TMEM178B: variants seen among roughly 807,000 people sequenced by gnomAD.
TMEM178B encodes the protein transmembrane protein 178B.
Under a neutral mutation model 31.0 loss-of-function variants are expected in TMEM178B, and 5 were observed. The ratio of observed to expected loss-of-function variants is 0.16; its 90% CI spans 0.08 to 0.34. The LOEUF (loss-of-function observed/expected upper bound fraction) is 0.34, where lower values mean the gene tolerates loss of function less well. TMEM178B is among the 10% of genes least tolerant of loss of function. The probability of loss-of-function intolerance (pLI) is 1.00; values close to 1 mark genes in which losing one functional copy is unlikely to be tolerated. For synonymous variants in TMEM178B, 164 were observed against 164.0 expected, an observed-to-expected ratio of 1.00 and a Z score of 0.00; for missense variants, 275 against 400.3, an observed-to-expected ratio of 0.69 and a Z score of 2.67.
intron 1 of TMEM178B, among the ~76,000 whole-genome samples, chr7:141,137,375 T>G (rs1189001776): frequency 3.3e-5 from 5 of 152,204 alleles, no homozygotes; most frequent in Admixed American, 6.5e-5. Flanking sequence ...GAAATACTAT[T>G]CAGCCATCAA....
At chr7:141,417,534 C>T (rs989950897) in intron 2 of TMEM178B, among the ~76,000 whole-genome samples, 2 of 152,200 alleles carry the variant, frequency 1.3e-5, no homozygotes, top group African/African-American at 4.8e-5. Context: ...TGAGGGGTCC[C>T]ACCCACGGTG....
At chr7:141,496,277 T>C in the TMEM178B span, among the ~76,000 whole-genome samples, 1,249 of 152,300 alleles carry the variant, frequency 8.2e-3, 8 homozygotes, top group African/African-American at 0.015. Flanking sequence ...GGAGGCCAGC[T>C]CTTGAACTTT....
At chr7:141,300,850 T>G (rs1798711863) in intron 2 of TMEM178B, among the ~76,000 whole-genome samples, 1 of 152,188 alleles carries the variant, frequency 6.6e-6, no homozygotes, top group Non-Finnish European at 1.5e-5. Flanking sequence ...CTTTCTATGT[T>G]CATCTCTGTT....
chr7:141,205,446 G>T (rs1796947139), intron 1 of TMEM178B, among the ~76,000 whole-genome samples: 2 of 152,094 alleles, frequency 1.3e-5, no homozygotes, highest in African/African-American at 4.8e-5. Flanking sequence ...AGTAGTTTAG[G>T]GCCTTGCCTT....
At chr7:141,194,803 AC>A (rs1796755818) in intron 1 of TMEM178B, among the ~76,000 whole-genome samples, 1 of 152,274 alleles carries the variant, frequency 6.6e-6, no homozygotes, top group South Asian at 2.1e-4. Context: ...CCTGCAGCAA[AC>A]TTTTGCCTGG....
chr7:141,498,726 C>T, the TMEM178B span, among the ~76,000 whole-genome samples: 4 of 152,204 alleles, frequency 2.6e-5, no homozygotes, highest in Admixed American at 6.6e-5. Context: ...TGACAGCAGA[C>T]GCTTGCCACT....
chr7:141,420,475 T>A (rs1026041653), intron 2 of TMEM178B, among the ~76,000 whole-genome samples: 2 of 152,192 alleles, frequency 1.3e-5, no homozygotes, highest in African/African-American at 4.8e-5. Context: ...TTTATTTGAA[T>A]GAGCTTTAAC....
rs970604933 is a variant in TMEM178B, at chr7:141,238,348, A to G, written c.496+25644A>G. ...TATGACAAGTGGGATAGAAGCCCCCAGGGAAAAGAGAGGGAGGAAAGAGAC... is the reference window on the plus strand; with the variant it reads ...TATGACAAGTGGGATAGAAGCCCCCGGGGAAAAGAGAGGGAGGAAAGAGAC... On this transcript the variant is annotated intron_variant, in intron 2 of 3. Transcript: ENST00000565468. 5.4e-4 allele frequency among the ~76,000 whole-genome samples: 82 copies of G among 152,294 alleles called. 1 individual carries two copies. The highest frequency in any genetic ancestry group is 1.9e-3 in the African/African-American group (80 of 41,566).
chr7:141,083,338 C>T (rs957140117), intron 1 of TMEM178B, among the ~76,000 whole-genome samples: 3 of 151,908 alleles, frequency 2.0e-5, no homozygotes, highest in Non-Finnish European at 4.4e-5. Context: ...TGTTTAGATT[C>T]TATAAACTCC....
At chr7:141,345,182 C>A (rs1270245037) in intron 2 of TMEM178B, among the ~76,000 whole-genome samples, 2 of 152,112 alleles carry the variant, frequency 1.3e-5, no homozygotes, top group East Asian at 3.8e-4. Flanking sequence ...ATTGAAGAGA[C>A]CTTACGTTTT....
intron 1 of TMEM178B, among the ~76,000 whole-genome samples, chr7:141,211,734 C>T (rs1249673097): frequency 6.6e-6 from 1 of 152,184 alleles, no homozygotes; most frequent in Non-Finnish European, 1.5e-5. Context: ...TGCATTAATA[C>T]ACTGGCAATT....
intron 2 of TMEM178B, among the ~76,000 whole-genome samples, chr7:141,246,039 T>G (rs1321117096): frequency 6.6e-6 from 1 of 152,198 alleles, no homozygotes; most frequent in African/African-American, 2.4e-5. Flanking sequence ...CTGTAAATTT[T>G]TAAGATTTCT....
intron 1 of TMEM178B, among the ~76,000 whole-genome samples, chr7:141,154,134 T>C (rs1353092208): frequency 6.6e-6 from 1 of 152,258 alleles, no homozygotes; most frequent in African/African-American, 2.4e-5. Flanking sequence ...TTAAATGCGG[T>C]CAGCTGGGGG....
At chr7:141,271,137 G>C (rs1271980877) in intron 2 of TMEM178B, among the ~76,000 whole-genome samples, 1 of 152,138 alleles carries the variant, frequency 6.6e-6, no homozygotes, top group Admixed American at 6.5e-5. Flanking sequence ...CCCAGCAATG[G>C]CTCCTGGGTG....
intron 1 of TMEM178B, among the ~76,000 whole-genome samples, chr7:141,112,385 TG>T (rs1164663738): frequency 6.6e-6 from 1 of 152,154 alleles, no homozygotes; most frequent in Non-Finnish European, 1.5e-5. Flanking sequence ...CCTGAGTAGC[TG>T]GGACAACAGG....
the TMEM178B span, among the ~76,000 whole-genome samples, chr7:141,510,899 G>C: frequency 2.0e-5 from 3 of 151,960 alleles, no homozygotes; most frequent in Non-Finnish European, 2.9e-5. Context: ...GTGACAACTG[G>C]GGGTACATGG....
At chr7:141,400,381 A>G (rs1294645856) in intron 2 of TMEM178B, among the ~76,000 whole-genome samples, 1 of 152,052 alleles carries the variant, frequency 6.6e-6, no homozygotes, top group Non-Finnish European at 1.5e-5. Context: ...TCTCAAACAC[A>G]TTTGCATTTT....
intron 1 of TMEM178B, among the ~76,000 whole-genome samples, chr7:141,186,693 G>A (rs1484861718): frequency 6.6e-6 from 1 of 152,212 alleles, no homozygotes; most frequent in Non-Finnish European, 1.5e-5. Flanking sequence ...GCCAAGGCAT[G>A]CTTCTCTAGT....
At chr7:141,130,930 T>C (rs760294030) in intron 1 of TMEM178B, among the ~76,000 whole-genome samples, 1 of 152,242 alleles carries the variant, frequency 6.6e-6, no homozygotes, top group Non-Finnish European at 1.5e-5. Context: ...TCTGAAATTA[T>C]GTAATTAACT....
Sources: allele counts gnomAD v4.1 joint callset (sites outside exome capture counted in the v4.1 genomes callset), GRCh38; gene constraint gnomAD v4.1.1; transcripts MANE v1.5; gene names NCBI Gene and HGNC (gene_info 2026-07-23, HGNC 2026-07-21).